Variants in SOX6 observed in about 807,000 individuals in gnomAD.
SOX6 encodes the protein transcription factor SOX-6.
In SOX6, 11 loss-of-function variants were observed where a neutral mutation model predicts 97.8. The observed-to-expected ratio is 0.11, with a 90% CI of 0.07 to 0.19. SOX6 has a LOEUF of 0.19. Among genes scored for constraint, SOX6 ranks in the 10% least tolerant of loss-of-function variants. SOX6 has a pLI of 1.00. For synonymous variants in SOX6, 360 were observed against 371.4 expected, an observed-to-expected ratio of 0.97 and a Z score of 0.35; for missense variants, 810 against 1,039.5, an observed-to-expected ratio of 0.78 and a Z score of 3.04.
intron 1 of SOX6, among the ~76,000 whole-genome samples, chr11:16,397,162 T>C (rs974441470): frequency 2.0e-5 from 3 of 151,440 alleles, no homozygotes; most frequent in Admixed American, 6.6e-5. Context: ...TTGGACTTAG[T>C]TCGTTTTAGT....
intron 1 of SOX6, among the ~76,000 whole-genome samples, chr11:16,363,175 C>T (rs1428584538): frequency 1.3e-5 from 2 of 152,100 alleles, no homozygotes; most frequent in Non-Finnish European, 1.5e-5. Flanking sequence ...TGCAAACATC[C>T]CTGGTAGAAG....
intron 3 of SOX6, 165 bp downstream of exon 3, chr11:16,318,281 T>C (rs1855810221): frequency 1.4e-6 from 1 of 698,818 alleles, no homozygotes; most frequent in Non-Finnish European, 2.5e-6. Context: ...ACACTCCTAA[T>C]GGATCAAAAT....
intron 3 of SOX6, among the ~76,000 whole-genome samples, chr11:16,632,458 C>G (rs912016812): frequency 1.3e-5 from 2 of 152,160 alleles, no homozygotes; most frequent in Non-Finnish European, 2.9e-5. Flanking sequence ...CAGCTGGGTA[C>G]ATACTTCCTC....
intron 13 of SOX6, among the ~76,000 whole-genome samples, chr11:15,996,467 A>G (rs1453438819): frequency 6.6e-6 from 1 of 152,026 alleles, no homozygotes; most frequent in Non-Finnish European, 1.5e-5. Context: ...TGTCTCTACA[A>G]AAGGTTAAAA....
chr11:16,618,070 C>T (rs1244390069), intron 3 of SOX6, among the ~76,000 whole-genome samples: 4 of 151,796 alleles, frequency 2.6e-5, no homozygotes, highest in African/African-American at 9.7e-5. Context: ...TTGCAAAAGC[C>T]TTCTTAGTAT....
intron 3 of SOX6, among the ~76,000 whole-genome samples, chr11:16,688,827 C>T (rs564309298): frequency 6.6e-6 from 1 of 152,204 alleles, no homozygotes; most frequent in East Asian, 1.9e-4. Context: ...GTAAATTTTA[C>T]CTTGATGGGT....
intron 3 of SOX6, among the ~76,000 whole-genome samples, chr11:16,279,190 AC>A (rs1745097052): frequency 6.6e-6 from 1 of 152,120 alleles, no homozygotes; most frequent in Non-Finnish European, 1.5e-5. Flanking sequence ...CAGTGGATAC[AC>A]CCTAAATGTT....
intron 6 of SOX6, among the ~76,000 whole-genome samples, chr11:16,158,898 A>G (rs371256702): frequency 1.4e-5 from 2 of 145,032 alleles, no homozygotes; most frequent in Non-Finnish European, 3.0e-5. Flanking sequence ...GTGTGTGTGT[A>G]TCTGTGTGTT....
At chr11:16,094,583 G>T (rs1385928497) in intron 9 of SOX6, among the ~76,000 whole-genome samples, 1 of 151,888 alleles carries the variant, frequency 6.6e-6, no homozygotes, top group African/African-American at 2.4e-5. Flanking sequence ...AAGCTCTCAA[G>T]CTGACTGTCC....
At chr11:16,496,378 G>C (rs1860596255) in intron 4 of SOX6, among the ~76,000 whole-genome samples, 1 of 151,684 alleles carries the variant, frequency 6.6e-6, no homozygotes, top group African/African-American at 2.4e-5. Flanking sequence ...CCAGTCTACA[G>C]CTCCCAGCGT....
intron 3 of SOX6, among the ~76,000 whole-genome samples, chr11:16,299,258 C>T (rs1565077326): frequency 6.6e-6 from 1 of 152,104 alleles, no homozygotes. Context: ...TTCTGCACTT[C>T]GTGTCTTTAA....
At chr11:16,499,550 G>T (rs990474755) in intron 4 of SOX6, among the ~76,000 whole-genome samples, 4 of 152,034 alleles carry the variant, frequency 2.6e-5, no homozygotes, top group Non-Finnish European at 5.9e-5. Flanking sequence ...CAACGAAATT[G>T]ATAAACTGTT....
intron 6 of SOX6, among the ~76,000 whole-genome samples, chr11:16,127,875 C>T (rs1055566801): frequency 1.3e-5 from 2 of 152,092 alleles, no homozygotes; most frequent in African/African-American, 4.8e-5. Flanking sequence ...ATGATATATG[C>T]CCAAAATATA....
chr11:16,225,259 T>A (rs991293856), intron 4 of SOX6, among the ~76,000 whole-genome samples: 3 of 152,182 alleles, frequency 2.0e-5, no homozygotes, highest in Non-Finnish European at 4.4e-5. Context: ...AAAAATTTTA[T>A]CAGAGTTGAA....
intron 1 of SOX6, among the ~76,000 whole-genome samples, chr11:16,362,582 A>G (rs1174542175): frequency 1.3e-5 from 2 of 152,156 alleles, no homozygotes; most frequent in African/African-American, 4.8e-5. Context: ...AATATAATAT[A>G]GCATGACTAT....
At chr11:16,702,094 G>C (rs922417090) in intron 3 of SOX6, among the ~76,000 whole-genome samples, 4 of 152,136 alleles carry the variant, frequency 2.6e-5, no homozygotes, top group Admixed American at 6.5e-5. Flanking sequence ...AGTTCACAAA[G>C]AAGTACAATT....
intron 4 of SOX6, among the ~76,000 whole-genome samples, chr11:16,579,178 A>G (rs191416628): frequency 2.0e-5 from 3 of 152,232 alleles, no homozygotes; most frequent in East Asian, 3.9e-4. Flanking sequence ...ACTCTTAGAA[A>G]TCAATTCCAC....
intron 2 of SOX6, among the ~76,000 whole-genome samples, chr11:16,337,243 C>T (rs1268287301): frequency 6.6e-6 from 1 of 151,998 alleles, no homozygotes; most frequent in African/African-American, 2.4e-5. Context: ...ATAACATGTA[C>T]GTTGCAATTT....
At chr11:16,547,976 C>G (rs1362803084) in intron 4 of SOX6, among the ~76,000 whole-genome samples, 1 of 151,952 alleles carries the variant, frequency 6.6e-6, no homozygotes, top group Non-Finnish European at 1.5e-5. Context: ...AAATAATAAT[C>G]AAATTTATGG....
Sources: gnomAD v4.1 joint callset for allele counts (sites outside exome capture counted in the v4.1 genomes callset) on GRCh38, gnomAD v4.1.1 for gene constraint, MANE v1.5 for transcripts, NCBI Gene and HGNC (gene_info 2026-07-23, HGNC 2026-07-21) for gene names.